Variants in ZNF568 observed in about 807,000 individuals in gnomAD.
ZNF568 encodes the protein zinc finger protein 568.
In ZNF568, 11 loss-of-function variants were observed where a neutral mutation model predicts 18.1. The observed-to-expected ratio is 0.61, with a 90% CI of 0.38 to 1.00. The LOEUF is 1.00. ZNF568 is among the 50% of genes least tolerant of loss of function. The probability of loss-of-function intolerance (pLI) is 0.01; values close to 1 mark genes in which losing one functional copy is unlikely to be tolerated. For missense variants in ZNF568, 639 were observed against 768.2 expected (o/e 0.83, Z 1.99); for synonymous variants, 213 against 246.6 (o/e 0.86, Z 1.28).
chr19:36,975,152 C>CT lies in ZNF568; in HGVS notation c.405+700dup, dbSNP rs750626556. Among the ~76,000 whole-genome samples the CT allele has an allele frequency of 7.5e-3, 949 of 126,558 alleles. 9 individuals are homozygous for CT. The highest frequency in any genetic ancestry group is 0.011 in the Admixed American group (136 of 12,492). The allele number at this position is 126,558 out of a possible 152,430, so 83.0% of individuals were successfully genotyped here. A position where few individuals can be genotyped will look rare whatever the true frequency, so the allele number is the denominator to read the frequency against. ...CGCTTATCAATTTCTTTCTTTCTTTCTTTTTTTTTTTTTTGAGACCGAGTT... is the reference window on the plus strand; with the variant it reads ...CGCTTATCAATTTCTTTCTTTCTTTCTTTTTTTTTTTTTTTGAGACCGAGTT... On this transcript the variant is annotated intron_variant, in intron 7 of 7. Transcript: ENST00000427117.
chr19:36,969,009 C>A (rs2074216288), intron 6 of ZNF568, among the ~76,000 whole-genome samples: 1 of 152,048 alleles, frequency 6.6e-6, no homozygotes, highest in East Asian at 1.9e-4. Context: ...GCACGTGCCA[C>A]CATGCCTGTC....
chr19:36,922,040 T>C (rs1001640965), intron 2 of ZNF568, among the ~76,000 whole-genome samples: 2 of 152,236 alleles, frequency 1.3e-5, no homozygotes, highest in African/African-American at 4.8e-5. Flanking sequence ...AGATTAGTGT[T>C]TGAGGCTATA....
chr19:36,960,251 G>C (rs2074138523), intron 6 of ZNF568, among the ~76,000 whole-genome samples: 1 of 150,930 alleles, frequency 6.6e-6, no homozygotes, highest in South Asian at 2.1e-4. Flanking sequence ...CCGAGTACCT[G>C]GGATTACAGG....
intron 4 of ZNF568, among the ~76,000 whole-genome samples, chr19:36,934,554 T>C (rs774581045): frequency 2.0e-5 from 3 of 152,174 alleles, no homozygotes; most frequent in Non-Finnish European, 4.4e-5. Flanking sequence ...ACTCCTGGGC[T>C]CAAGCAATCC....
chr19:36,983,595 C>G (rs2074349804), downstream of ZNF568, among the ~76,000 whole-genome samples: 1 of 152,124 alleles, frequency 6.6e-6, no homozygotes, highest in African/African-American at 2.4e-5. Flanking sequence ...GCCATTAGAT[C>G]AAGCTTAATT....
chr19:36,966,095 G>A (rs2074192379), intron 6 of ZNF568, among the ~76,000 whole-genome samples: 1 of 148,832 alleles, frequency 6.7e-6, no homozygotes, highest in Non-Finnish European at 1.5e-5. Flanking sequence ...GACCAGCCTG[G>A]CCAACATGGT....
In ZNF568 at chr19:36,950,895, CAG is replaced by C. The variant is rs765349804; in HGVS notation, c.1743_1744del (p.Lys584ThrfsTer3). ...CTCACTCTTCATGTGAGAAGTCACACAGGGGAGAAACCCTATGAATGTAATAA... is the reference window on the plus strand; with the variant it reads ...CTCACTCTTCATGTGAGAAGTCACACGGGAGAAACCCTATGAATGTAATAA... On this transcript the variant is annotated frameshift_variant, in exon 7 of 7. Coordinates refer to ENST00000333987, the MANE Select transcript of ZNF568 (RefSeq NM_198539.4). LOFTEE classifies it low-confidence loss of function (END_TRUNC). 1.9e-5 allele frequency: 31 copies of C among 1,613,536 alleles called. 1 individual carries two copies. The highest frequency in any genetic ancestry group is 1.6e-4 in the South Asian group (15 of 91,018).
At chr19:36,946,296 TTTC>T (rs2073963442) in intron 6 of ZNF568, among the ~76,000 whole-genome samples, 1 of 152,110 alleles carries the variant, frequency 6.6e-6, no homozygotes. Flanking sequence ...CTCCTTTCCT[TTTC>T]TTCTGGAATA....
chr19:36,961,503 G>A (rs2074149745), intron 6 of ZNF568, among the ~76,000 whole-genome samples: 1 of 151,720 alleles, frequency 6.6e-6, no homozygotes, highest in African/African-American at 2.4e-5. Context: ...TTTTAAGTGG[G>A]AAATTTAATC....
intron 4 of ZNF568, among the ~76,000 whole-genome samples, chr19:36,933,661 A>G (rs2073726530): frequency 6.6e-6 from 1 of 151,794 alleles, no homozygotes; most frequent in Non-Finnish European, 1.5e-5. Context: ...TTACCTCTCT[A>G]TTAATAAGAG....
At position 36,928,218 on chromosome 19, in the gene ZNF568, C is replaced by T. The variant is rs185048223; in HGVS notation, c.135+2960C>T. 2.4e-3 allele frequency among the ~76,000 whole-genome samples: 363 copies of T among 151,490 alleles called. 1 individual carries two copies. Among genetic ancestry groups the T allele is most frequent in the South Asian group, 4.8e-3 (23 of 4,806 alleles). On this transcript the variant is annotated intron_variant, in intron 4 of 6. Coordinates refer to ENST00000333987, the MANE Select transcript of ZNF568 (RefSeq NM_198539.4). ...CAGGCATGAGCCATTGCACCTGTCC[C>T]GAAAGATATTTTCTGTCACAATTAA...
At chr19:36,944,578 A>T (rs1186945695) in intron 6 of ZNF568, among the ~76,000 whole-genome samples, 1 of 152,096 alleles carries the variant, frequency 6.6e-6, no homozygotes, top group African/African-American at 2.4e-5. Flanking sequence ...TTTGGGCCAG[A>T]TAATTCTTTG....
At chr19:36,997,616 C>T, downstream of ZNF568, 1 of 1,530,646 alleles carries the variant, frequency 6.5e-7, no homozygotes, top group Non-Finnish European at 8.8e-7. Flanking sequence ...AAAATTCATA[C>T]TGGTGAGAAA....
intron 2 of ZNF568, among the ~76,000 whole-genome samples, chr19:36,985,996 T>A (rs944774252): frequency 6.6e-6 from 1 of 152,204 alleles, no homozygotes; most frequent in African/African-American, 2.4e-5. Flanking sequence ...TGAGGCCTGA[T>A]TGAAGGTTGT....
chr19:36,937,902 C>A (rs1401229699), intron 6 of ZNF568, among the ~76,000 whole-genome samples: 1 of 152,066 alleles, frequency 6.6e-6, no homozygotes, highest in African/African-American at 2.4e-5. Context: ...CCTATAATAC[C>A]AATATTATAC....
intron 6 of ZNF568, among the ~76,000 whole-genome samples, chr19:36,962,336 C>T (rs377547013): frequency 3.3e-3 from 140 of 42,954 alleles, no homozygotes; most frequent in East Asian, 8.8e-3. Flanking sequence ...GCTTTTCTTT[C>T]TTTTTTTTTT....
chr19:36,989,507 C>T lies in ZNF568; in HGVS notation c.10-1669C>T, dbSNP rs1231230780. ...CCAAGGCTGCTGTCTCTTAAGGGCCCCTCTGTTCTCCAAGAAGTGTTTAGG... is the reference window on the plus strand; with the variant it reads ...CCAAGGCTGCTGTCTCTTAAGGGCCTCTCTGTTCTCCAAGAAGTGTTTAGG... On this transcript the variant is annotated intron_variant, in intron 2 of 4. Coordinates refer to the ZNF568 transcript ENST00000433993. 3.3e-5 allele frequency among the ~76,000 whole-genome samples: 5 copies of T among 152,098 alleles called. No individual in the cohort carries two copies. In the South Asian group the frequency reaches 6.2e-4, roughly 19 times the overall value.
rs2074030658 is a variant in ZNF568, at chr19:36,949,997, G to A, written c.844G>A (p.Glu282Lys). ...TGGGGAAAAACCGTATAAGTGTAATGAATGTGGAAAAGCTTTCATTCAGAT... is the reference window on the plus strand; with the variant it reads ...TGGGGAAAAACCGTATAAGTGTAATAAATGTGGAAAAGCTTTCATTCAGAT... ...HTGEKPYKCNECGKAFIQMSN... is the reference protein window; with the variant it reads ...HTGEKPYKCNKCGKAFIQMSN... The change falls in exon 7 of 7, where the codon GAA becomes AAA. Residue 282 changes from glutamate (E) to lysine (K), a missense_variant. Glu to Lys is a moderately conservative substitution (Grantham distance 56). Transcript: ENST00000333987. 6.2e-7 allele frequency: 1 copy of A among 1,613,936 alleles called. No individual in the cohort carries two copies.
chr19:36,917,829 T>C (rs972529982), intron 2 of ZNF568, among the ~76,000 whole-genome samples, 181 bp downstream of exon 2: 2 of 152,264 alleles, frequency 1.3e-5, no homozygotes, highest in African/African-American at 4.8e-5. Flanking sequence ...TTTTTTAATA[T>C]GCATGCTTAA....
Sources: allele counts gnomAD v4.1 joint callset (sites outside exome capture counted in the v4.1 genomes callset), GRCh38; gene constraint gnomAD v4.1.1; transcripts MANE v1.5; gene names NCBI Gene and HGNC (gene_info 2026-07-23, HGNC 2026-07-21).